GMFB: variants seen among roughly 807,000 people sequenced by gnomAD.
GMFB encodes glia maturation factor beta.
GMFB carries 13 observed loss-of-function variants against 25.6 expected under a neutral mutation model. The observed-to-expected ratio is 0.51, with a 90% confidence interval of 0.33 to 0.81. The LOEUF is 0.81. GMFB is among the 30% of genes least tolerant of loss of function. GMFB has a pLI of 0.02. For synonymous variants in GMFB, 57 were observed against 56.9 expected, an observed-to-expected ratio of 1.00 and a Z score of 0.00; for missense variants, 146 against 175.4, an observed-to-expected ratio of 0.83 and a Z score of 0.95.
intron 1 of GMFB, among the ~76,000 whole-genome samples, chr14:54,486,465 G>C (rs1271197564): frequency 6.6e-6 from 1 of 152,086 alleles, no homozygotes; most frequent in African/African-American, 2.4e-5. Context: ...AGACAAATGA[G>C]ATCATATCAA....
intron 1 of GMFB, among the ~76,000 whole-genome samples, chr14:54,486,116 G>A (rs1323626947): frequency 1.3e-5 from 2 of 152,156 alleles, no homozygotes; most frequent in Non-Finnish European, 2.9e-5. Context: ...TGGGCGTGGT[G>A]GCAAGCGTCT....
In GMFB at chr14:54,488,959, A is replaced by T. The variant is rs3737314; in HGVS notation, c.-32T>A. 254,658 of 1,550,868 alleles carry T rather than the reference A, an allele frequency of 0.16. 22,934 individuals carry two copies. The highest frequency in any genetic ancestry group is 0.36 in the African/African-American group (25,390 of 70,304). On this transcript the variant is annotated 5_prime_UTR_variant, in exon 1 of 7. Transcript: ENST00000358056. ...TCCGGCCGTCAGCGGCCTGTCGCCTACACTCGGGCGCCTTTAAGAATGGCA... is the reference window on the plus strand; with the variant it reads ...TCCGGCCGTCAGCGGCCTGTCGCCTTCACTCGGGCGCCTTTAAGAATGGCA...
Position 54,480,896 on chromosome 14 carries a change from G to T in GMFB, c.261C>A (p.Cys87Ter). Residue 87 changes from cysteine (C) to a stop codon, truncating the protein, a stop_gained, in exon 5 of 7, where the codon TGC (cysteine) becomes TGA (stop). Transcript: ENST00000358056. LOFTEE classifies it high-confidence loss of function. Reference sequence around the variant, plus strand: ...TACCAACAGGACTGGAGAAAATAAAGCACAGAGGATATGAAACTCTTCCAT... The same window carrying T: ...TACCAACAGGACTGGAGAAAATAAATCACAGAGGATATGAAACTCTTCCAT... ...HDDGRVSYPL[C>*]FIFSSPVGCK... 1 of 1,516,892 alleles carries T rather than the reference G, an allele frequency of 6.6e-7. No individual in the cohort carries two copies. 94.0% of individuals were successfully genotyped at this position (1,516,892 alleles called of 1,614,324 possible).
In GMFB at chr14:54,476,313, C is replaced by T. The variant is rs1291551545; in HGVS notation, c.*1775G>A. ...CATTAAAAAATACATTCTTGCAGCA[C>T]TAGTTTCTCTTACTGCTGCAAAACA... On this transcript the variant is annotated 3_prime_UTR_variant, in exon 7 of 7. Coordinates refer to ENST00000358056, the MANE Select transcript of GMFB (RefSeq NM_004124.3). 1 of 152,008 alleles carries T rather than the reference C, an allele frequency of 6.6e-6. No homozygotes were observed. Among genetic ancestry groups the T allele is most frequent in the Admixed American group, 6.6e-5 (1 of 15,252 alleles). The allele number at this position is 152,008 out of a possible 1,614,324, so 9.4% of individuals were successfully genotyped here.
At chr14:54,482,007 A>G (rs1029362971) in intron 3 of GMFB, 146 bp downstream of exon 3, 1 of 606,914 alleles carries the variant, frequency 1.6e-6, no homozygotes, top group Non-Finnish European at 3.0e-6. Context: ...CACAAACTAC[A>G]CAATTAGCAC....
intron 2 of GMFB, 49 bp from the exon 3 acceptor site, chr14:54,482,251 G>C: frequency 8.4e-7 from 1 of 1,191,600 alleles, no homozygotes; most frequent in Non-Finnish European, 1.3e-6. Context: ...ATGTGACCCT[G>C]ATCTGCCCAA....
intron 6 of GMFB, chr14:54,479,323 C>T (rs910539159): frequency 6.6e-5 from 10 of 152,194 alleles, no homozygotes; most frequent in African/African-American, 2.4e-4. Flanking sequence ...AAAGCAAGTT[C>T]TCATATAAAA....
chr14:54,487,678 A>T (rs2140037485), intron 1 of GMFB, among the ~76,000 whole-genome samples: 1 of 152,292 alleles, frequency 6.6e-6, no homozygotes, highest in Non-Finnish European at 1.5e-5. Context: ...CCGCCATTGC[A>T]CTCCAGCCTG....
In GMFB at chr14:54,476,676, T is replaced by G. The variant is rs2031644592; in HGVS notation, c.*1412A>C. 1 of 152,046 alleles carries G rather than the reference T, an allele frequency of 6.6e-6. No individual in the cohort carries two copies. Among genetic ancestry groups the G allele is most frequent in the Admixed American group, 6.5e-5 (1 of 15,270 alleles). 9.4% of individuals were successfully genotyped at this position (152,046 alleles called of 1,614,324 possible). ...TCGCAAAAATTCCAACTATCTTTAC[T>G]TCTCACAGAAACCTCAAAAATAAAA... On this transcript the variant is annotated 3_prime_UTR_variant, in exon 7 of 7. Transcript: ENST00000358056.
In GMFB at chr14:54,479,878, T is replaced by C. The variant is rs202188385; in HGVS notation, c.284-19A>G. On this transcript the variant is annotated intron_variant, in intron 5 of 6. Coordinates refer to ENST00000358056, the MANE Select transcript of GMFB (RefSeq NM_004124.3). ...TTACATCCTGGAAAAGAGAGATTAG[T>C]GTAGAAATGAGACACAGATTTTGAG... is the stretch of plus-strand genomic sequence containing the variant. 1.1e-3 allele frequency: 1,549 copies of C among 1,461,668 alleles called. 2 individuals carry two copies. The highest frequency in any genetic ancestry group is 1.7e-3 in the South Asian group (144 of 87,114). The allele number at this position is 1,461,668 out of a possible 1,614,324, so 90.5% of individuals were successfully genotyped here. A position where few individuals can be genotyped will look rare whatever the true frequency, so the allele number is the denominator to read the frequency against.
intron 3 of GMFB, among the ~76,000 whole-genome samples, chr14:54,481,768 C>T (rs1398070967): frequency 1.3e-5 from 2 of 152,022 alleles, no homozygotes; most frequent in Non-Finnish European, 1.5e-5. Flanking sequence ...CGGAAAGAAA[C>T]AATGTCTGAT....
chr14:54,485,002 T>C (rs373749368), intron 1 of GMFB, among the ~76,000 whole-genome samples: 3 of 151,814 alleles, frequency 2.0e-5, no homozygotes, highest in Non-Finnish European at 4.4e-5. Context: ...CCTCAACAAA[T>C]TGGGTATAGA....
At chr14:54,486,104 G>A (rs749796803) in intron 1 of GMFB, among the ~76,000 whole-genome samples, 2 of 152,092 alleles carry the variant, frequency 1.3e-5, no homozygotes, top group Non-Finnish European at 2.9e-5. Context: ...ACAAAAATTA[G>A]CTGGGCGTGG....
chr14:54,479,046 G>C (rs543339614), intron 6 of GMFB: 29 of 152,216 alleles, frequency 1.9e-4, no homozygotes, highest in African/African-American at 6.7e-4. Context: ...CATGGGCTAA[G>C]GGGAAACAGC....
intron 6 of GMFB, chr14:54,478,626 A>C (rs925576239): frequency 6.6e-6 from 1 of 152,360 alleles, no homozygotes; most frequent in African/African-American, 2.4e-5. Flanking sequence ...TCCAGCAAGA[A>C]TCTGAATCAG....
Position 54,476,920 on chromosome 14 carries a change from T to C in GMFB, c.*1168A>G, listed in dbSNP as rs1304148565. 1 of 152,022 alleles carries C rather than the reference T, an allele frequency of 6.6e-6. No homozygotes were observed. Among genetic ancestry groups the C allele is most frequent in the Non-Finnish European group, 1.5e-5 (1 of 67,906 alleles). The allele number at this position is 152,022 out of a possible 1,614,324, so 9.4% of individuals were successfully genotyped here. On this transcript the variant is annotated 3_prime_UTR_variant, in exon 7 of 7. Coordinates refer to ENST00000358056, the MANE Select transcript of GMFB (RefSeq NM_004124.3). Reference sequence around the variant, plus strand: ...TCGCTTTATGCCAAGAGTACCATCATCTAACAAGACTGGTTTAGTTAACTA... The same window carrying C: ...TCGCTTTATGCCAAGAGTACCATCACCTAACAAGACTGGTTTAGTTAACTA...
At chr14:54,481,020 G>A in intron 4 of GMFB, 64 bp from the exon 5 acceptor site, 1 of 721,030 alleles carries the variant, frequency 1.4e-6, no homozygotes. Context: ...AACACCTGGG[G>A]AGCTACTGAG....
In GMFB at chr14:54,484,594, C is replaced by T. The variant is rs74855601; in HGVS notation, c.4-827G>A. Among the ~76,000 whole-genome samples, 1,130 of 152,154 alleles carry T rather than the reference C, an allele frequency of 7.4e-3. 16 individuals are homozygous for T. Among genetic ancestry groups the T allele is most frequent in the African/African-American group, 0.025 (1,043 of 41,516 alleles). On this transcript the variant is annotated intron_variant, in intron 1 of 6. Transcript: ENST00000358056. ...AACTCAGGATCTGAGGGCTTCACTGCTGAATTCTACCAAAGATTTAAAACA... is the reference window on the plus strand; with the variant it reads ...AACTCAGGATCTGAGGGCTTCACTGTTGAATTCTACCAAAGATTTAAAACA...
intron 6 of GMFB, 26 bp from the exon 7 acceptor site, chr14:54,478,185 C>A: frequency 4.9e-6 from 4 of 822,918 alleles, no homozygotes; most frequent in South Asian, 4.8e-5. Flanking sequence ...AAACTTGGGT[C>A]ATACTTTGAC....
Sources: gnomAD v4.1 joint callset for allele counts (sites outside exome capture counted in the v4.1 genomes callset) on GRCh38, gnomAD v4.1.1 for gene constraint, MANE v1.5 for transcripts, NCBI Gene and HGNC (gene_info 2026-07-23, HGNC 2026-07-21) for gene names.